The following FBLN7 variants were observed in gnomAD, a reference collection of about 807,000 sequenced individuals.
FBLN7 encodes the protein fibulin-7.
Under a neutral mutation model 44.0 loss-of-function variants are expected in FBLN7, and 31 were observed. The ratio of observed to expected loss-of-function variants is 0.70; its 90% CI spans 0.53 to 0.95. The LOEUF (loss-of-function observed/expected upper bound fraction) is 0.95. Ranked by LOEUF, FBLN7 falls within the 40% of genes least tolerant of loss-of-function variation. The probability of loss-of-function intolerance (pLI) is 0.00; values close to 1 mark genes in which losing one functional copy is unlikely to be tolerated. For synonymous variants in FBLN7, 262 were observed against 253.4 expected (o/e 1.03, Z -0.32); for missense variants, 573 against 618.5 (o/e 0.93, Z 0.78).
chr2:112,220,541 G>C, the FBLN7 span, among the ~76,000 whole-genome samples: 2 of 152,278 alleles, frequency 1.3e-5, no homozygotes, highest in Admixed American at 6.5e-5. Context: ...CCTTTGTAGG[G>C]CTGGGCGCGG....
At chr2:112,153,456 T>G (rs890187159) in intron 1 of FBLN7, among the ~76,000 whole-genome samples, 4 of 152,202 alleles carry the variant, frequency 2.6e-5, no homozygotes, top group Non-Finnish European at 4.4e-5. Flanking sequence ...AAGGTGTCAC[T>G]GTACCAAGAC....
chr2:112,234,158 GT>G, the FBLN7 span: 1 of 1,603,008 alleles, frequency 6.2e-7, no homozygotes, highest in Non-Finnish European at 8.5e-7. Context: ...TTACAAATTT[GT>G]TTTCCCTTGC....
At chr2:112,160,692 GCACACACGCACGCACACA>G (rs1558879661) in intron 2 of FBLN7, among the ~76,000 whole-genome samples, 1 of 117,314 alleles carries the variant, frequency 8.5e-6, no homozygotes, top group Non-Finnish European at 1.8e-5. Flanking sequence ...GCACGCACAC[GCACACACGCACGCACACA>G]CACAAGCACG....
In FBLN7 at chr2:112,178,265, A is replaced by C. The variant is rs530972168; in HGVS notation, c.532+2426A>C. Among the ~76,000 whole-genome samples the C allele has an allele frequency of 3.3e-5, 5 of 151,806 alleles. No individual in the cohort carries two copies. In the East Asian group the frequency reaches 9.7e-4, roughly 29 times the overall value. On this transcript the variant is annotated intron_variant, in intron 4 of 7. Transcript: ENST00000331203. ...GAAAAGTACAAGAAATACAAAAAAAAAAACCAAAAGAAAACAAACAAAAAA... is the reference window on the plus strand; with the variant it reads ...GAAAAGTACAAGAAATACAAAAAAACAAACCAAAAGAAAACAAACAAAAAA...
chr2:112,238,455 C>CTA, the FBLN7 span: 2 of 1,613,400 alleles, frequency 1.2e-6, no homozygotes, highest in East Asian at 4.5e-5. Context: ...ATCATTATCA[C>CTA]TATATACATC....
chr2:112,244,019 GAA>G, the FBLN7 span, among the ~76,000 whole-genome samples: 1 of 151,332 alleles, frequency 6.6e-6, no homozygotes, highest in South Asian at 2.1e-4. Flanking sequence ...GGGATATAAA[GAA>G]AAAAGATAAA....
chr2:112,156,234 C>A (rs1681415910), intron 1 of FBLN7, among the ~76,000 whole-genome samples: 2 of 152,192 alleles, frequency 1.3e-5, no homozygotes, highest in Non-Finnish European at 2.9e-5. Context: ...CACACAGGAG[C>A]CTGTGAGAAC....
chr2:112,182,759 C>T lies in FBLN7; in HGVS notation c.671-32C>T, dbSNP rs992363846. The T allele has an allele frequency of 1.1e-5, 17 of 1,567,204 alleles. No homozygotes were observed. In the Admixed American group the frequency reaches 1.7e-4, roughly 16 times the overall value. On this transcript the variant is annotated intron_variant, in intron 5 of 7. Transcript: ENST00000331203. Reference sequence around the variant, plus strand: ...AGCTGGCAACACTTGCTGCATGGCTCCTAAAGTCACAGTGAGCACTTCTGT... The same window carrying T: ...AGCTGGCAACACTTGCTGCATGGCTTCTAAAGTCACAGTGAGCACTTCTGT...
intron 4 of FBLN7, among the ~76,000 whole-genome samples, chr2:112,179,234 A>G (rs1479958734): frequency 1.3e-5 from 2 of 152,210 alleles, no homozygotes; most frequent in Non-Finnish European, 2.9e-5. Context: ...AATCCTATTC[A>G]CAATTTGCCA....
chr2:112,224,816 A>T, the FBLN7 span, among the ~76,000 whole-genome samples: 1 of 152,214 alleles, frequency 6.6e-6, no homozygotes, highest in East Asian at 1.9e-4. Context: ...AAGGTCTGAG[A>T]GAAGGAGAAG....
At chr2:112,142,135 C>G (rs930719677) in intron 1 of FBLN7, among the ~76,000 whole-genome samples, 10 of 150,540 alleles carry the variant, frequency 6.6e-5, no homozygotes, top group Non-Finnish European at 1.5e-5. Flanking sequence ...CAACCCTGTC[C>G]GGGCAAGCGT....
At chr2:112,160,730 ACG>A (rs1457538524) in intron 2 of FBLN7, among the ~76,000 whole-genome samples, 14 of 98,472 alleles carry the variant, frequency 1.4e-4, no homozygotes, top group African/African-American at 6.8e-4. Context: ...GCGCACACGC[ACG>A]CACACGCACA....
chr2:112,179,950 T>C (rs1682903876), intron 4 of FBLN7, among the ~76,000 whole-genome samples: 2 of 152,244 alleles, frequency 1.3e-5, no homozygotes, highest in African/African-American at 2.4e-5. Flanking sequence ...ATGACAAAGA[T>C]ACCAAAAGCA....
At chr2:112,233,711 C>CA in the FBLN7 span, among the ~76,000 whole-genome samples, 1 of 151,690 alleles carries the variant, frequency 6.6e-6, no homozygotes, top group African/African-American at 2.4e-5. Context: ...ACTAACAATA[C>CA]AAAAAAAATT....
chr2:112,203,607 T>C, the FBLN7 span, among the ~76,000 whole-genome samples: 5 of 152,168 alleles, frequency 3.3e-5, no homozygotes, highest in Admixed American at 6.5e-5. Flanking sequence ...TATGCTCCCA[T>C]GCATAAACAG....
the FBLN7 span, among the ~76,000 whole-genome samples, chr2:112,196,959 C>T: frequency 2.6e-5 from 4 of 151,990 alleles, no homozygotes; most frequent in Non-Finnish European, 5.9e-5. Context: ...CTTTATAAAA[C>T]CATTGGATCT....
At chr2:112,167,087 C>G (rs1200505246) in intron 3 of FBLN7, among the ~76,000 whole-genome samples, 5 of 152,240 alleles carry the variant, frequency 3.3e-5, no homozygotes, top group Non-Finnish European at 5.9e-5. Context: ...CACGCACCCC[C>G]AAGCGGTGCT....
chr2:112,144,395 G>A (rs1015248368), intron 1 of FBLN7, among the ~76,000 whole-genome samples: 2 of 152,176 alleles, frequency 1.3e-5, no homozygotes, highest in Non-Finnish European at 2.9e-5. Context: ...AATTAAATGA[G>A]CACTGGCAGC....
rs1682999458 is a variant in FBLN7, at chr2:112,181,649, C to T, written c.533-90C>T. On this transcript the variant is annotated intron_variant, in intron 4 of 7. Transcript: ENST00000331203. ...AGCCCTTTGAGAAGGGGCCGTGCCT[C>T]CGTCTTGGTTCTGCTCCCGGCCCCT... 19 of 1,317,792 alleles carry T rather than the reference C, an allele frequency of 1.4e-5. 1 individual carries two copies. The South Asian group carries it at 3.3e-4, about 23-fold the overall frequency. 81.6% of individuals were successfully genotyped at this position (1,317,792 alleles called of 1,614,324 possible). A position where few individuals can be genotyped will look rare whatever the true frequency, so the allele number is the denominator to read the frequency against.
Sources: gnomAD v4.1 joint callset for allele counts (sites outside exome capture counted in the v4.1 genomes callset) on GRCh38, gnomAD v4.1.1 for gene constraint, MANE v1.5 for transcripts, NCBI Gene and HGNC (gene_info 2026-07-23, HGNC 2026-07-21) for gene names.